The following TBC1D30 variants were observed in gnomAD, a reference collection of about 807,000 sequenced individuals.
TBC1D30 encodes TBC1 domain family member 30.
TBC1D30 carries 31 observed loss-of-function variants against 63.2 expected under a neutral mutation model. The ratio of observed to expected loss-of-function variants is 0.49; its 90% confidence interval spans 0.37 to 0.66. The LOEUF is 0.66. TBC1D30 is among the 30% of genes least tolerant of loss of function. The pLI is 0.00. For missense variants in TBC1D30, 810 were observed against 953.6 expected, an observed-to-expected ratio of 0.85 and a Z score of 1.98; for synonymous variants, 307 against 361.5, an observed-to-expected ratio of 0.85 and a Z score of 1.71.
chr12:64,772,106 T>C (rs1029252688), intron 1 of TBC1D30, among the ~76,000 whole-genome samples: 1 of 151,682 alleles, frequency 6.6e-6, no homozygotes, highest in African/African-American at 2.4e-5. Context: ...AATACAAAAA[T>C]TAGCTGGGCG....
At chr12:64,783,220 A>G (rs897185502) in intron 1 of TBC1D30, among the ~76,000 whole-genome samples, 3 of 152,196 alleles carry the variant, frequency 2.0e-5, no homozygotes, top group Non-Finnish European at 2.9e-5. Flanking sequence ...TTCTCAGGAC[A>G]TCTGGGCTCT....
At chr12:64,816,855 GT>G (rs1873573927) in intron 2 of TBC1D30, among the ~76,000 whole-genome samples, 1 of 142,746 alleles carries the variant, frequency 7.0e-6, no homozygotes, top group Non-Finnish European at 1.5e-5. Flanking sequence ...CTATCAGGGT[GT>G]TGCTCTGTCA....
Position 64,875,864 on chromosome 12 carries a change from A to G in TBC1D30, c.*76A>G. 7.2e-7 allele frequency: 1 copy of G among 1,381,058 alleles called. No individual in the cohort carries two copies. Among genetic ancestry groups the G allele is most frequent in the Non-Finnish European group, 9.5e-7 (1 of 1,047,864 alleles). 85.6% of individuals were successfully genotyped at this position (1,381,058 alleles called of 1,614,324 possible). A position where few individuals can be genotyped will look rare whatever the true frequency, so the allele number is the denominator to read the frequency against. ...GGTTGCAGCTGAATGGCTCTAAAAG[A>G]GTTTTATTTGTCCAGTGAAAATGAA... is the stretch of plus-strand genomic sequence containing the variant. On this transcript the variant is annotated 3_prime_UTR_variant, in exon 12 of 12. Transcript: ENST00000539867.
At chr12:64,818,060 CAAAA>C (rs60136357) in intron 2 of TBC1D30, among the ~76,000 whole-genome samples, 8 of 137,086 alleles carry the variant, frequency 5.8e-5, no homozygotes, top group Non-Finnish European at 4.7e-5. Flanking sequence ...GAGACTCTAC[CAAAA>C]AAAAAAAAAA....
chr12:64,856,686 TC>T lies in TBC1D30; in HGVS notation c.1039-7976del, dbSNP rs566620968. 2.2e-3 allele frequency among the ~76,000 whole-genome samples: 329 copies of T among 152,142 alleles called. 2 individuals carry two copies. The highest frequency in any genetic ancestry group is 0.011 in the South Asian group (52 of 4,816). ...GGCCCTTCCCTTCAGGGCAGTGAGTTCCCCCCAGGCCCCAGGTGTGTCTAGA... is the reference window on the plus strand; with the variant it reads ...GGCCCTTCCCTTCAGGGCAGTGAGTTCCCCCAGGCCCCAGGTGTGTCTAGA... On this transcript the variant is annotated intron_variant, in intron 8 of 11. Transcript: ENST00000539867.
chr12:64,824,915 C>CG lies in TBC1D30; in HGVS notation c.42dup (p.Arg15GlufsTer40), dbSNP rs1448224530. On this transcript the variant is annotated frameshift_variant, in exon 1 of 12. Transcript: ENST00000539867. LOFTEE classifies it high-confidence loss of function. ...ACAAGCTGACCGGGTCTCTGAGGCG[C>CG]GGGGGGAGATGCCTGAAGCGGCAGG... The CG allele has an allele frequency of 1.3e-6, 2 of 1,534,348 alleles. No individual in the cohort carries two copies. Among genetic ancestry groups the CG allele is most frequent in the Non-Finnish European group, 1.7e-6 (2 of 1,146,518 alleles).
At chr12:64,868,711 G>GA in intron 10 of TBC1D30, 3 of 218,462 alleles carry the variant, frequency 1.4e-5, no homozygotes, top group Non-Finnish European at 2.8e-5. Flanking sequence ...GTTCCAGCTG[G>GA]AAAAGAGGAT....
intron 1 of TBC1D30, among the ~76,000 whole-genome samples, chr12:64,775,417 A>C (rs1415957662): frequency 2.0e-5 from 3 of 152,208 alleles, no homozygotes; most frequent in Non-Finnish European, 1.5e-5. Context: ...ATAGGCTCAA[A>C]ATAAAGGGAT....
intron 4 of TBC1D30, 139 bp downstream of exon 4, chr12:64,830,641 G>A: frequency 1.3e-6 from 1 of 779,408 alleles, no homozygotes; most frequent in Non-Finnish European, 1.8e-6. Flanking sequence ...CATTTCATTA[G>A]CTTTTTCATG....
chr12:64,807,687 C>T (rs1872948808), intron 2 of TBC1D30, among the ~76,000 whole-genome samples: 1 of 152,086 alleles, frequency 6.6e-6, no homozygotes, highest in Admixed American at 6.6e-5. Flanking sequence ...AAAGCTAAAG[C>T]ATCCTTTCCC....
At chr12:64,781,691 C>CTT (rs34191075) in intron 1 of TBC1D30, among the ~76,000 whole-genome samples, 2,475 of 145,108 alleles carry the variant, frequency 0.017, 51 homozygotes, top group African/African-American at 0.049. Flanking sequence ...CTGTTCTTTC[C>CTT]TTTTTTTTTT....
intron 7 of TBC1D30, among the ~76,000 whole-genome samples, chr12:64,839,572 G>C (rs1875660321): frequency 1.3e-5 from 2 of 152,174 alleles, no homozygotes; most frequent in African/African-American, 4.8e-5. Context: ...TGACGAGTGG[G>C]TTCCCACAGA....
chr12:64,767,804 G>GGGGGGGGGT (rs1870773914), intron 1 of TBC1D30, among the ~76,000 whole-genome samples: 1 of 122,524 alleles, frequency 8.2e-6, no homozygotes, highest in Non-Finnish European at 1.7e-5. Flanking sequence ...GGGGGGGAGG[G>GGGGGGGGGT]GGGGGAGATA....
intron 8 of TBC1D30, among the ~76,000 whole-genome samples, chr12:64,861,345 A>G (rs1479288715): frequency 2.6e-5 from 4 of 152,248 alleles, no homozygotes; most frequent in African/African-American, 7.2e-5. Flanking sequence ...TAGAATGTTC[A>G]GGAGAGAAAT....
intron 8 of TBC1D30, among the ~76,000 whole-genome samples, chr12:64,862,639 C>T (rs1877887520): frequency 6.6e-6 from 1 of 152,146 alleles, no homozygotes; most frequent in African/African-American, 2.4e-5. Context: ...AAAAATTAAA[C>T]ACAGGTGAAA....
At chr12:64,868,983 T>G (rs1878441158) in intron 10 of TBC1D30, among the ~76,000 whole-genome samples, 1 of 152,324 alleles carries the variant, frequency 6.6e-6, no homozygotes, top group Admixed American at 6.5e-5. Context: ...TTTCATTTTT[T>G]TTTTTCTAAA....
chr12:64,818,224 A>G (rs1486557877), intron 2 of TBC1D30, among the ~76,000 whole-genome samples: 1 of 152,184 alleles, frequency 6.6e-6, no homozygotes, highest in Admixed American at 6.5e-5. Flanking sequence ...TGAATAGCAC[A>G]ACTGTAAGAA....
chr12:64,843,168 C>T (rs1876039110), intron 7 of TBC1D30, among the ~76,000 whole-genome samples: 1 of 152,168 alleles, frequency 6.6e-6, no homozygotes, highest in Non-Finnish European at 1.5e-5. Flanking sequence ...CCACGATACC[C>T]AGCTGATTTT....
At chr12:64,825,173 C>CA (rs775871802) in intron 1 of TBC1D30, 140 bp downstream of exon 1, 2 of 1,272,020 alleles carry the variant, frequency 1.6e-6, no homozygotes, top group Non-Finnish European at 2.1e-6. Flanking sequence ...ACCGCGTTGG[C>CA]ACCTGCAGGG....
Sources: gnomAD v4.1 joint callset for allele counts (sites outside exome capture counted in the v4.1 genomes callset) on GRCh38, gnomAD v4.1.1 for gene constraint, MANE v1.5 for transcripts, NCBI Gene and HGNC (gene_info 2026-07-23, HGNC 2026-07-21) for gene names.